The following F5 variants were observed in gnomAD, a reference collection of about 807,000 sequenced individuals.
F5 encodes the protein activated protein c cofactor.
A neutral mutation model predicts 216.4 loss-of-function variants in F5; 138 were observed. That is an observed-to-expected ratio of 0.64 (90% CI 0.56 to 0.73). F5 has a LOEUF of 0.73. F5 is among the 30% of genes least tolerant of loss of function. The pLI is 0.00. For missense variants in F5, 2,403 were observed against 2,674.0 expected, an observed-to-expected ratio of 0.90 and a Z score of 2.24; for synonymous variants, 916 against 930.7, an observed-to-expected ratio of 0.98 and a Z score of 0.29.
At chr1:169,551,448 T>TG (rs145185031) in intron 8 of F5, among the ~76,000 whole-genome samples, 2 of 151,772 alleles carry the variant, frequency 1.3e-5, no homozygotes, top group Admixed American at 6.6e-5. Context: ...AGACCCTTGG[T>TG]GGGGGGGAAA....
intron 13 of F5, 25 bp downstream of exon 13, chr1:169,540,269 T>G: frequency 2.5e-6 from 4 of 1,612,454 alleles, no homozygotes; most frequent in Non-Finnish European, 3.4e-6. Flanking sequence ...AAAATGAGAA[T>G]AAAAAAGGAG....
chr1:169,527,861 T>G, intron 17 of F5, 54 bp downstream of exon 17: 1 of 1,597,522 alleles, frequency 6.3e-7, no homozygotes, highest in Admixed American at 1.7e-5. Flanking sequence ...AGTTACAGAT[T>G]GCCTTTTCCC....
At chr1:169,537,828 A>G (rs1459388059) in intron 13 of F5, among the ~76,000 whole-genome samples, 2 of 152,088 alleles carry the variant, frequency 1.3e-5, no homozygotes, top group Non-Finnish European at 2.9e-5. Context: ...ACAAGAGATA[A>G]ATGTTGGCAT....
In F5 at chr1:169,542,996, A is replaced by G; in HGVS notation, c.2094T>C (p.Pro698=). 1 of 1,614,066 alleles carries G rather than the reference A, an allele frequency of 6.2e-7. No homozygotes were observed. The highest frequency in any genetic ancestry group is 8.5e-7 in the Non-Finnish European group (1 of 1,179,992). Residue 698 remains proline (P), a synonymous_variant, in exon 13 of 25, where the codon CCT becomes CCC. Coordinates refer to ENST00000367797, the MANE Select transcript of F5 (RefSeq NM_000130.5). The part of the protein sequence containing the change: ...DDEDSYEIFE[P]PESTVMATRK... Reference sequence around the variant, plus strand: ...GTGTAGCCATGACTGTAGATTCTGGAGGTTCAAAAATCTCATATGAGTCTT... The same window carrying G: ...GTGTAGCCATGACTGTAGATTCTGGGGGTTCAAAAATCTCATATGAGTCTT...
Position 169,536,744 on chromosome 1 carries a change from T to C in F5, c.4797-64A>G, listed in dbSNP as rs929361120. Reference sequence around the variant, plus strand: ...AAGACTGTTCCCAGAATTTAGGAAATTGTCTCTTTCTAAATATAGCATCTA... The same window carrying C: ...AAGACTGTTCCCAGAATTTAGGAAACTGTCTCTTTCTAAATATAGCATCTA... On this transcript the variant is annotated intron_variant, in intron 13 of 24. Coordinates refer to ENST00000367797, the MANE Select transcript of F5 (RefSeq NM_000130.5). 5.1e-6 allele frequency: 7 copies of C among 1,362,048 alleles called. No homozygotes were observed. In the African/African-American group the frequency reaches 8.6e-5, roughly 17 times the overall value. The allele number at this position is 1,362,048 out of a possible 1,614,324, so 84.4% of individuals were successfully genotyped here.
At chr1:169,574,253 TGGAGTCTC>T (rs71121789) in intron 2 of F5, among the ~76,000 whole-genome samples, 9,668 of 152,188 alleles carry the variant, frequency 0.064, 454 homozygotes, top group Non-Finnish European at 0.1. Flanking sequence ...GTGTAGTCCT[TGGAGTCTC>T]TGCATCAGAA....
chr1:169,554,214 G>A (rs1417317253), intron 7 of F5, among the ~76,000 whole-genome samples: 1 of 85,786 alleles, frequency 1.2e-5, no homozygotes, highest in Non-Finnish European at 3.0e-5. Context: ...TTTCATGCGT[G>A]TAATTCCAGA....
chr1:169,557,244 AG>A (rs1169246428), intron 5 of F5, among the ~76,000 whole-genome samples: 1 of 152,178 alleles, frequency 6.6e-6, no homozygotes, highest in Non-Finnish European at 1.5e-5. Context: ...ACTGGTAAAA[AG>A]TCCACGGCAA....
chr1:169,537,737 A>G (rs946857636), intron 13 of F5, among the ~76,000 whole-genome samples: 1 of 152,166 alleles, frequency 6.6e-6, no homozygotes, highest in African/African-American at 2.4e-5. Context: ...GATGCTCAAC[A>G]TTACTAATAA....
chr1:169,572,087 A>G, intron 3 of F5, 134 bp downstream of exon 3: 3 of 1,014,814 alleles, frequency 3.0e-6, no homozygotes, highest in Non-Finnish European at 2.8e-6. Context: ...TTACAACAGC[A>G]ACAATTTTTA....
chr1:169,547,645 A>G (rs1313770205), intron 10 of F5, among the ~76,000 whole-genome samples: 1 of 152,204 alleles, frequency 6.6e-6, no homozygotes, highest in African/African-American at 2.4e-5. Context: ...ATGAGATACC[A>G]TCTCGCACCA....
chr1:169,527,143 T>C (rs576070296), intron 17 of F5, among the ~76,000 whole-genome samples: 162 of 152,228 alleles, frequency 1.1e-3, no homozygotes, highest in African/African-American at 3.7e-3. Context: ...TTACTTTTAA[T>C]AGAAGGCAAA....
In F5 at chr1:169,526,060, G is replaced by C. The variant is rs1659442178; in HGVS notation, c.5600-43C>G. ...ACATTACATTTGCAAAAATTAACAA[G>C]TAAATATTGTGGTTGATAGTTCTCT... is the stretch of plus-strand genomic sequence containing the variant. On this transcript the variant is annotated intron_variant, in intron 17 of 24. Coordinates refer to ENST00000367797, the MANE Select transcript of F5 (RefSeq NM_000130.5). The C allele has an allele frequency of 3.8e-6, 5 of 1,326,284 alleles. No individual in the cohort carries two copies. The East Asian group carries it at 9.3e-5, about 25-fold the overall frequency. 82.2% of individuals were successfully genotyped at this position (1,326,284 alleles called of 1,614,324 possible).
chr1:169,575,965 G>A (rs1235822178), intron 2 of F5, among the ~76,000 whole-genome samples: 1 of 152,144 alleles, frequency 6.6e-6, no homozygotes, highest in African/African-American at 2.4e-5. Context: ...CCTTATCAGA[G>A]GGATGCAGGA....
Position 169,546,434 on chromosome 1 carries a change from T to A in F5, c.1762+8A>T. ...AAACTGATGAACAAAAATAGTACTC[T>A]GACTTACTGCTCATGATGTTTGATT... On this transcript the variant is annotated splice_region_variant and intron_variant, in intron 11 of 24. Transcript: ENST00000367797. The A allele has an allele frequency of 6.2e-7, 1 of 1,614,100 alleles. No homozygotes were observed. Among genetic ancestry groups the A allele is most frequent in the Non-Finnish European group, 8.5e-7 (1 of 1,179,970 alleles).
intron 24 of F5, 65 bp from the exon 25 acceptor site, chr1:169,514,524 T>C (rs2227243): frequency 6.9e-7 from 1 of 1,456,130 alleles, no homozygotes; most frequent in Non-Finnish European, 9.5e-7. Flanking sequence ...TTGTTTTTGT[T>C]TTTTTTTAGA....
intron 23 of F5, among the ~76,000 whole-genome samples, chr1:169,516,733 A>G (rs1659162819): frequency 6.6e-6 from 1 of 152,204 alleles, no homozygotes; most frequent in Admixed American, 6.5e-5. Flanking sequence ...ATCTATGTGC[A>G]TCACTGCATA....
chr1:169,525,368 C>T (rs1240865092), intron 18 of F5, among the ~76,000 whole-genome samples: 3 of 151,996 alleles, frequency 2.0e-5, no homozygotes, highest in Non-Finnish European at 4.4e-5. Flanking sequence ...AGTTCTAGTC[C>T]TGATGAGACT....
At chr1:169,527,168 G>T (rs1223556635) in intron 17 of F5, among the ~76,000 whole-genome samples, 1 of 152,114 alleles carries the variant, frequency 6.6e-6, no homozygotes, top group Non-Finnish European at 1.5e-5. Flanking sequence ...AAGGAAGGCT[G>T]CTTGTTAAAA....
Sources: gnomAD v4.1 joint callset for allele counts (sites outside exome capture counted in the v4.1 genomes callset) on GRCh38, gnomAD v4.1.1 for gene constraint, MANE v1.5 for transcripts, NCBI Gene and HGNC (gene_info 2026-07-23, HGNC 2026-07-21) for gene names.